Variants in PEPD observed in about 807,000 individuals in gnomAD.
The protein encoded by PEPD is peptidase D, also known as xaa-Pro dipeptidase.
PEPD carries 53 observed loss-of-function variants against 60.7 expected under a neutral mutation model. The ratio of observed to expected loss-of-function variants is 0.87; its 90% CI spans 0.70 to 1.10. The LOEUF (loss-of-function observed/expected upper bound fraction) is 1.10, where lower values mean the gene tolerates loss of function less well. Among genes scored for constraint, PEPD ranks in the 50% least tolerant of loss-of-function variants. The pLI is 0.00. For missense variants in PEPD, 711 were observed against 711.9 expected (o/e 1.00, Z 0.01); for synonymous variants, 267 against 284.1 (o/e 0.94, Z 0.60).
In PEPD at chr19:33,493,655, C is replaced by G. The variant is rs186432605; in HGVS notation, c.394-318G>C. On this transcript the variant is annotated intron_variant, in intron 4 of 14. Coordinates refer to ENST00000244137, the MANE Select transcript of PEPD (RefSeq NM_000285.4). ...AGCCCTACCCACCCTCCAAGGCCAG[C>G]CCCTCTGCCCATCTGCAAAGTCCCT... 2.6e-3 allele frequency among the ~76,000 whole-genome samples: 393 copies of G among 152,250 alleles called. 1 individual carries two copies. The highest frequency in any genetic ancestry group is 9.0e-3 in the African/African-American group (373 of 41,540).
At chr19:33,463,267 G>A (rs1341071107) in intron 8 of PEPD, among the ~76,000 whole-genome samples, 1 of 152,178 alleles carries the variant, frequency 6.6e-6, no homozygotes, top group Non-Finnish European at 1.5e-5. Context: ...TTTGGAAGCC[G>A]ATAAATGCCA....
intron 9 of PEPD, among the ~76,000 whole-genome samples, chr19:33,452,464 T>C (rs1969715707): frequency 2.0e-5 from 3 of 152,082 alleles, no homozygotes; most frequent in Admixed American, 2.0e-4. Context: ...TGGAAATCAA[T>C]GAGTTTGACC....
intron 13 of PEPD, chr19:33,389,044 G>C (rs1968149222): frequency 6.6e-6 from 1 of 152,428 alleles, no homozygotes; most frequent in Admixed American, 6.5e-5. Flanking sequence ...AGGAAGCCCA[G>C]CTGCTGGAGC....
intron 4 of PEPD, among the ~76,000 whole-genome samples, chr19:33,497,041 C>T (rs1370358844): frequency 2.6e-5 from 4 of 152,288 alleles, no homozygotes; most frequent in Non-Finnish European, 4.4e-5. Context: ...GCATTCTCCT[C>T]CAACAGTATT....
At chr19:33,419,597 C>T (rs114171725) in intron 9 of PEPD, among the ~76,000 whole-genome samples, 155 of 152,304 alleles carry the variant, frequency 1.0e-3, no homozygotes, top group African/African-American at 3.7e-3. Context: ...CCTCTGAAAC[C>T]TCAGGTCTGT....
intron 9 of PEPD, among the ~76,000 whole-genome samples, chr19:33,434,984 G>A (rs890585853): frequency 7.9e-5 from 12 of 152,174 alleles, no homozygotes; most frequent in African/African-American, 2.9e-4. Flanking sequence ...TGGGTAGACA[G>A]CAGCCTCCAT....
chr19:33,476,908 C>T (rs1970227216), intron 7 of PEPD, among the ~76,000 whole-genome samples: 1 of 152,072 alleles, frequency 6.6e-6, no homozygotes, highest in African/African-American at 2.4e-5. Flanking sequence ...CATGATCCAC[C>T]CACCTCGGCC....
chr19:33,487,622 C>T (rs1181215319), intron 6 of PEPD, among the ~76,000 whole-genome samples: 3 of 152,192 alleles, frequency 2.0e-5, no homozygotes, highest in Non-Finnish European at 4.4e-5. Context: ...AGCCCAGCCC[C>T]CAGCTGAGGG....
chr19:33,438,536 C>T (rs1393572553), intron 9 of PEPD, among the ~76,000 whole-genome samples: 1 of 152,254 alleles, frequency 6.6e-6, no homozygotes, highest in East Asian at 1.9e-4. Context: ...AGTGTTTCCA[C>T]TACCCAGGAC....
intron 7 of PEPD, among the ~76,000 whole-genome samples, chr19:33,465,782 G>A (rs748524953): frequency 2.6e-5 from 4 of 151,998 alleles, no homozygotes; most frequent in Admixed American, 2.6e-4. Context: ...GACCCACTCT[G>A]TTACACTCAC....
intron 3 of PEPD, among the ~76,000 whole-genome samples, chr19:33,502,849 C>T (rs184874428): frequency 2.0e-5 from 3 of 148,574 alleles, no homozygotes; most frequent in East Asian, 2.0e-4. Context: ...TTCATTCTTT[C>T]GTTGCTTCAT....
Position 33,387,143 on chromosome 19 carries a change from A to G in PEPD, c.*201T>C, listed in dbSNP as rs983458836. On this transcript the variant is annotated 3_prime_UTR_variant, in exon 15 of 15. Coordinates refer to ENST00000244137, the MANE Select transcript of PEPD (RefSeq NM_000285.4). ...TAATAAGCAAGGTATAAAACAGATT[A>G]AAGGTGGGAGCCTGCAAAAGGGTAA... The G allele has an allele frequency of 1.5e-5, 9 of 609,436 alleles. No individual in the cohort carries two copies. Among genetic ancestry groups the G allele is most frequent in the African/African-American group, 1.1e-4 (6 of 54,090 alleles). 37.8% of individuals were successfully genotyped at this position (609,436 alleles called of 1,614,324 possible). A position where few individuals can be genotyped will look rare whatever the true frequency, so the allele number is the denominator to read the frequency against.
chr19:33,475,800 G>A (rs960926414), intron 7 of PEPD, among the ~76,000 whole-genome samples: 6 of 152,114 alleles, frequency 3.9e-5, no homozygotes, highest in African/African-American at 1.4e-4. Flanking sequence ...GATAGGACAG[G>A]CTCTCTGGTT....
intron 13 of PEPD, among the ~76,000 whole-genome samples, chr19:33,389,573 A>G (rs1451988933): frequency 2.6e-5 from 4 of 152,078 alleles, no homozygotes; most frequent in Non-Finnish European, 5.9e-5. Flanking sequence ...ACCCACAGCA[A>G]TCGAAGCCAG....
chr19:33,413,204 A>G (rs1968814937), intron 10 of PEPD, among the ~76,000 whole-genome samples: 1 of 152,216 alleles, frequency 6.6e-6, no homozygotes, highest in Admixed American at 6.5e-5. Flanking sequence ...TGCACACAGA[A>G]GCTGCCCAGC....
Position 33,417,593 on chromosome 19 carries a change from G to A in PEPD, c.672-3950C>T, listed in dbSNP as rs189593212. Among the ~76,000 whole-genome samples the A allele has an allele frequency of 4.4e-3, 667 of 152,258 alleles. 2 individuals carry two copies. Among genetic ancestry groups the A allele is most frequent in the Admixed American group, 7.8e-3 (120 of 15,298 alleles). ...GGATGATAGCGGTGCCTCCCTCCCA[G>A]GGCTGCTATGCCAGTCGAATGATTT... On this transcript the variant is annotated intron_variant, in intron 9 of 14. Transcript: ENST00000244137.
chr19:33,493,420 C>G, intron 4 of PEPD, 83 bp from the exon 5 acceptor site: 2 of 951,668 alleles, frequency 2.1e-6, no homozygotes, highest in Non-Finnish European at 3.4e-6. Flanking sequence ...TTCATAATGA[C>G]AGTGCACATT....
At chr19:33,433,374 G>C (rs939354782) in intron 9 of PEPD, among the ~76,000 whole-genome samples, 3 of 152,194 alleles carry the variant, frequency 2.0e-5, no homozygotes, top group African/African-American at 7.2e-5. Flanking sequence ...GTACACCAAA[G>C]CCCTTGAGAC....
At chr19:33,432,010 A>AAAAAAAAAAAAAAAAAAAAAAAT (rs1031542443) in intron 9 of PEPD, among the ~76,000 whole-genome samples, 1 of 147,602 alleles carries the variant, frequency 6.8e-6, no homozygotes, top group African/African-American at 2.5e-5. Flanking sequence ...AAAAAAAAAA[A>AAAAAAAAAAAAAAAAAAAAAAAT]GGGAAGATTA....
Sources: gnomAD v4.1 joint callset for allele counts (sites outside exome capture counted in the v4.1 genomes callset) on GRCh38, gnomAD v4.1.1 for gene constraint, MANE v1.5 for transcripts, NCBI Gene and HGNC (gene_info 2026-07-23, HGNC 2026-07-21) for gene names.